FER1L6: variants seen among roughly 807,000 people sequenced by gnomAD.
FER1L6 encodes the protein fer-1-like protein 6.
Under a neutral mutation model 219.2 loss-of-function variants are expected in FER1L6, and 177 were observed. The ratio of observed to expected loss-of-function variants is 0.81; its 90% CI spans 0.71 to 0.91. The LOEUF is 0.91. Ranked by LOEUF, FER1L6 falls within the 40% of genes least tolerant of loss-of-function variation. The probability of loss-of-function intolerance (pLI) is 0.00; values close to 1 mark genes in which losing one functional copy is unlikely to be tolerated. For missense variants in FER1L6, 2,153 were observed against 2,259.9 expected (o/e 0.95, Z 0.96); for synonymous variants, 768 against 824.3 (o/e 0.93, Z 1.17).
chr8:123,954,417 C>T (rs1379883487), intron 1 of FER1L6, among the ~76,000 whole-genome samples: 1 of 152,072 alleles, frequency 6.6e-6, no homozygotes, highest in Non-Finnish European at 1.5e-5. Flanking sequence ...GTGGGAGCTC[C>T]TTAATTCCTT....
Position 124,045,876 on chromosome 8 carries a change from T to C in FER1L6, c.2699T>C (p.Val900Ala). The part of the protein sequence containing the change: ...ELAESPPLVV[V>A]ELYDSDAVGK... ...GCAGAGTCCCCGCCCTTAGTGGTGG[T>C]GGAGCTGTATGACAGCGACGCTGTG... The change falls in exon 21 of 41, where the codon GTG becomes GCG. Residue 900 changes from valine to alanine, a missense_variant. By Grantham distance (64) the Val-to-Ala change is moderately conservative. Transcript: ENST00000522917. The C allele has an allele frequency of 1.2e-6, 2 of 1,613,972 alleles. No individual in the cohort carries two copies. The highest frequency in any genetic ancestry group is 1.7e-6 in the Non-Finnish European group (2 of 1,179,984).
At chr8:124,017,208 A>C (rs1251248783) in intron 15 of FER1L6, among the ~76,000 whole-genome samples, 2 of 152,144 alleles carry the variant, frequency 1.3e-5, no homozygotes, top group African/African-American at 4.8e-5. Flanking sequence ...GTTACTACTC[A>C]GTCTTTCCTA....
At chr8:123,927,556 A>G (rs1813612275) in intron 1 of FER1L6, among the ~76,000 whole-genome samples, 1 of 152,184 alleles carries the variant, frequency 6.6e-6, no homozygotes, top group South Asian at 2.1e-4. Flanking sequence ...AAATTTTGTA[A>G]TAATTATCCT....
intron 2 of FER1L6, among the ~76,000 whole-genome samples, chr8:123,960,964 T>A (rs1436684281): frequency 6.6e-6 from 1 of 152,114 alleles, no homozygotes; most frequent in African/African-American, 2.4e-5. Flanking sequence ...AAATGCAGAA[T>A]TTATCTGGGC....
intron 1 of FER1L6, among the ~76,000 whole-genome samples, chr8:123,923,941 GAAAA>G (rs60137127): frequency 2.0e-4 from 19 of 94,770 alleles, no homozygotes; most frequent in African/African-American, 5.8e-4. Context: ...CTCCAACTAA[GAAAA>G]AAAAAAAAAA....
intron 18 of FER1L6, among the ~76,000 whole-genome samples, chr8:124,031,921 T>G (rs572364952): frequency 1.3e-5 from 2 of 152,328 alleles, no homozygotes; most frequent in South Asian, 4.1e-4. Flanking sequence ...AGTGAGACAC[T>G]GCATTATCTT....
intron 19 of FER1L6, among the ~76,000 whole-genome samples, chr8:124,037,428 G>T (rs1265124326): frequency 6.6e-6 from 1 of 152,214 alleles, no homozygotes; most frequent in East Asian, 1.9e-4. Flanking sequence ...GGGCTCCCTT[G>T]CCAGCAGGGC....
At chr8:124,014,805 A>G (rs1227702551) in intron 15 of FER1L6, among the ~76,000 whole-genome samples, 3 of 152,216 alleles carry the variant, frequency 2.0e-5, no homozygotes, top group Admixed American at 2.0e-4. Context: ...AAATTTCCCC[A>G]AAACTCAGTG....
chr8:124,034,228 G>C (rs1819102985), intron 18 of FER1L6, among the ~76,000 whole-genome samples: 1 of 151,974 alleles, frequency 6.6e-6, no homozygotes, highest in African/African-American at 2.4e-5. Flanking sequence ...CTTAGAAGAA[G>C]AGTTGACAAC....
Position 124,103,237 on chromosome 8 carries a change from G to A in FER1L6, c.5217G>A (p.Glu1739=). Residue 1739 remains glutamate (E), a synonymous_variant, in exon 39 of 41, where the codon GAG becomes GAA. Coordinates refer to ENST00000522917, the MANE Select transcript of FER1L6 (RefSeq NM_001039112.2). The part of the protein sequence containing the change: ...DLAKFENASE[E]TKISIFQQKR... ...CCAAGTTTGAAAATGCAAGTGAGGA[G>A]ACCAAGATCTCTATATTCCAGCAAA... 1 of 1,614,130 alleles carries A rather than the reference G, an allele frequency of 6.2e-7. No homozygotes were observed. Among genetic ancestry groups the A allele is most frequent in the South Asian group, 1.1e-5 (1 of 91,076 alleles).
At chr8:124,026,197 A>C (rs1396667980) in intron 18 of FER1L6, among the ~76,000 whole-genome samples, 1 of 152,090 alleles carries the variant, frequency 6.6e-6, no homozygotes, top group Non-Finnish European at 1.5e-5. Context: ...TTTTTATTCC[A>C]GTGAGTAGAA....
intron 19 of FER1L6, chr8:124,036,354 T>C (rs1175488336): frequency 6.6e-6 from 1 of 152,232 alleles, no homozygotes; most frequent in Non-Finnish European, 1.5e-5. Flanking sequence ...CTGTACCCCA[T>C]ATAAATGCGT....
At position 123,979,070 on chromosome 8, in the gene FER1L6, AG is replaced by A. The variant is rs547265366; in HGVS notation, c.1064-1393del. On this transcript the variant is annotated intron_variant, in intron 10 of 40. Transcript: ENST00000522917. ...ATATTCTTATATTTAAGTCTACTCA[AG>A]GAAGAGCTAGAATCCAGTCTATGGG... Among the ~76,000 whole-genome samples, 51 of 152,332 alleles carry A rather than the reference AG, an allele frequency of 3.3e-4. No homozygotes were observed. In the South Asian group the frequency reaches 0.01, roughly 30 times the overall value.
At position 123,901,448 on chromosome 8, in the gene FER1L6, C is replaced by A. The variant is rs1457624902; in HGVS notation, c.-8+49263C>A. ...CAATTTTATTTATTTTTCAAAGAAC[C>A]AGCTTTTTGTTTCATTTATCTTTTT... On this transcript the variant is annotated intron_variant, in intron 1 of 40. Coordinates refer to ENST00000522917, the MANE Select transcript of FER1L6 (RefSeq NM_001039112.2). 2.0e-5 allele frequency among the ~76,000 whole-genome samples: 3 copies of A among 151,982 alleles called. No individual in the cohort carries two copies. In the East Asian group the frequency reaches 5.8e-4, roughly 29 times the overall value.
At chr8:124,027,334 G>T (rs1226800013) in intron 18 of FER1L6, among the ~76,000 whole-genome samples, 1 of 152,132 alleles carries the variant, frequency 6.6e-6, no homozygotes, top group Non-Finnish European at 1.5e-5. Flanking sequence ...AATGGATAAA[G>T]AATGTTCATC....
At chr8:124,037,815 CAG>C (rs1372889308) in intron 19 of FER1L6, among the ~76,000 whole-genome samples, 1 of 152,142 alleles carries the variant, frequency 6.6e-6, no homozygotes, top group African/African-American at 2.4e-5. Context: ...CCCTGCCAAT[CAG>C]GGGTCAAGTC....
intron 21 of FER1L6, chr8:124,046,745 C>T (rs914270683): frequency 1.3e-5 from 2 of 152,170 alleles, no homozygotes; most frequent in African/African-American, 4.8e-5. Context: ...GGAGCGGAGA[C>T]CTTGGAGACC....
intron 1 of FER1L6, among the ~76,000 whole-genome samples, chr8:123,921,769 AC>A (rs370419478): frequency 2.0e-4 from 30 of 152,132 alleles, no homozygotes; most frequent in African/African-American, 6.3e-4. Context: ...AAGTCAGGGC[AC>A]CACAGGGCGG....
intron 1 of FER1L6, among the ~76,000 whole-genome samples, chr8:123,928,327 C>T (rs1813642455): frequency 6.6e-6 from 1 of 152,140 alleles, no homozygotes; most frequent in Non-Finnish European, 1.5e-5. Flanking sequence ...TTTAAACTTG[C>T]TCCTAGCTTC....
Sources: gnomAD v4.1 joint callset for allele counts (sites outside exome capture counted in the v4.1 genomes callset) on GRCh38, gnomAD v4.1.1 for gene constraint, MANE v1.5 for transcripts, NCBI Gene and HGNC (gene_info 2026-07-23, HGNC 2026-07-21) for gene names.